The following CPNE4 variants were observed in gnomAD, a reference collection of about 807,000 sequenced individuals.
CPNE4 encodes copine 4.
In CPNE4, 25 loss-of-function variants were observed where a neutral mutation model predicts 67.9. The observed-to-expected ratio is 0.37, with a 90% CI of 0.27 to 0.51. The LOEUF (loss-of-function observed/expected upper bound fraction) is 0.51. Among genes scored for constraint, CPNE4 ranks in the 20% least tolerant of loss-of-function variants. The pLI is 0.93. For missense variants in CPNE4, 464 were observed against 690.8 expected, an observed-to-expected ratio of 0.67 and a Z score of 3.68; for synonymous variants, 242 against 244.9, an observed-to-expected ratio of 0.99 and a Z score of 0.11.
rs561640523 is a variant in CPNE4 at position 131,667,237 on chromosome 3, C to T, written c.681+2438G>A. On this transcript the variant is annotated intron_variant, in intron 7 of 15. Coordinates refer to ENST00000429747, the MANE Select transcript of CPNE4 (RefSeq NM_130808.3). ...AATTAGAATATTTTAGTTAATCTTA[C>T]ATGTTCATTCTCTTCTTCTGATTTT... 2.0e-5 allele frequency among the ~76,000 whole-genome samples: 3 copies of T among 152,166 alleles called. No homozygotes were observed. In the South Asian group the frequency reaches 6.2e-4, roughly 32 times the overall value.
At chr3:131,964,130 G>C (rs1371401690) in intron 1 of CPNE4, among the ~76,000 whole-genome samples, 1 of 152,048 alleles carries the variant, frequency 6.6e-6, no homozygotes, top group African/African-American at 2.4e-5. Flanking sequence ...TGCAGCAGAG[G>C]GGCCTGTTAG....
At chr3:131,786,651 A>G (rs2083572070) in intron 2 of CPNE4, among the ~76,000 whole-genome samples, 1 of 152,182 alleles carries the variant, frequency 6.6e-6, no homozygotes, top group South Asian at 2.1e-4. Context: ...GATGAGGTAC[A>G]TACATATTCT....
chr3:131,622,035 A>G (rs184595280), intron 7 of CPNE4, among the ~76,000 whole-genome samples: 16 of 151,406 alleles, frequency 1.1e-4, no homozygotes, highest in Admixed American at 2.6e-4. Context: ...AAAAAAAAAA[A>G]AAAAGAAAAG....
chr3:131,868,772 C>A (rs951946040), intron 2 of CPNE4, among the ~76,000 whole-genome samples: 5 of 151,868 alleles, frequency 3.3e-5, no homozygotes, highest in East Asian at 1.9e-4. Flanking sequence ...GAAAGACAAA[C>A]CCTAATGGAA....
At chr3:131,641,713 G>A (rs2079546122) in intron 7 of CPNE4, among the ~76,000 whole-genome samples, 1 of 152,160 alleles carries the variant, frequency 6.6e-6, no homozygotes, top group Non-Finnish European at 1.5e-5. Flanking sequence ...GTACATGCAT[G>A]TTTGTAGCAG....
intron 2 of CPNE4, among the ~76,000 whole-genome samples, chr3:131,723,944 A>G (rs2081946428): frequency 6.6e-6 from 1 of 152,028 alleles, no homozygotes; most frequent in African/African-American, 2.4e-5. Flanking sequence ...GGGAATTGAA[A>G]TGAGTGGGTG....
chr3:131,669,272 C>G (rs796350151), intron 7 of CPNE4, among the ~76,000 whole-genome samples: 11 of 152,322 alleles, frequency 7.2e-5, no homozygotes, highest in African/African-American at 2.6e-4. Context: ...TTCATCCCAA[C>G]TTGTCAGTAC....
chr3:131,863,749 C>G (rs936414025), intron 2 of CPNE4, among the ~76,000 whole-genome samples: 1 of 152,140 alleles, frequency 6.6e-6, no homozygotes, highest in Non-Finnish European at 1.5e-5. Flanking sequence ...GTTGCCATTG[C>G]TTTTGGTGTT....
intron 2 of CPNE4, among the ~76,000 whole-genome samples, chr3:131,801,268 G>C (rs2084088887): frequency 6.7e-6 from 1 of 149,768 alleles, no homozygotes; most frequent in Non-Finnish European, 1.5e-5. Context: ...GATTGAAATA[G>C]GGTCCGCTTT....
chr3:131,897,505 T>C (rs2088383168), intron 2 of CPNE4, among the ~76,000 whole-genome samples: 1 of 152,140 alleles, frequency 6.6e-6, no homozygotes, highest in Non-Finnish European at 1.5e-5. Flanking sequence ...TCATTGCTCC[T>C]TCACTTACCA....
intron 6 of CPNE4, among the ~76,000 whole-genome samples, chr3:131,674,131 T>C (rs1412355196): frequency 6.6e-6 from 1 of 152,136 alleles, no homozygotes; most frequent in Admixed American, 6.6e-5. Context: ...GATTTGCATA[T>C]GTTAAACCAT....
At chr3:131,970,522 G>C (rs1377649532) in intron 1 of CPNE4, among the ~76,000 whole-genome samples, 6 of 151,984 alleles carry the variant, frequency 3.9e-5, no homozygotes, top group Non-Finnish European at 7.4e-5. Flanking sequence ...TTCCTTGATG[G>C]GGCATTTGGG....
chr3:131,815,774 A>C (rs1053689392), intron 2 of CPNE4, among the ~76,000 whole-genome samples: 2 of 152,212 alleles, frequency 1.3e-5, no homozygotes, highest in African/African-American at 4.8e-5. Flanking sequence ...GGGAAAGGGG[A>C]ACAAACAAGG....
intron 1 of CPNE4, among the ~76,000 whole-genome samples, chr3:132,029,392 G>C (rs1234643198): frequency 6.6e-6 from 1 of 152,164 alleles, no homozygotes; most frequent in Non-Finnish European, 1.5e-5. Context: ...GGCATATCTT[G>C]GGGTTGGGTC....
chr3:131,537,005 T>C (rs957444724), intron 15 of CPNE4, among the ~76,000 whole-genome samples: 2 of 152,188 alleles, frequency 1.3e-5, no homozygotes, highest in Non-Finnish European at 1.5e-5. Flanking sequence ...TTTTCTCTCC[T>C]GGTTAAAAGT....
At chr3:131,623,359 A>G (rs1940578595) in intron 7 of CPNE4, among the ~76,000 whole-genome samples, 1 of 152,144 alleles carries the variant, frequency 6.6e-6, no homozygotes, top group Non-Finnish European at 1.5e-5. Flanking sequence ...TGAGTAAACA[A>G]TTTTAAATGT....
At chr3:131,804,393 C>T (rs1240924563) in intron 2 of CPNE4, among the ~76,000 whole-genome samples, 1 of 152,130 alleles carries the variant, frequency 6.6e-6, no homozygotes, top group Non-Finnish European at 1.5e-5. Context: ...ACTCACAAAC[C>T]TAGTTATATC....
Position 131,699,916 on chromosome 3 carries a change from G to A in CPNE4, c.425C>T (p.Ser142Phe). ...LKHGNTAGKS[S>F]ITVIAEELSG... ...TAGGGAGTGCCTGCTTACCGTGATG[G>A]AAGATTTCCCTGCTGTGTTCCCATG... Residue 142 changes from serine to phenylalanine, a missense_variant, in exon 4 of 16, where the codon TCC (serine) becomes TTC (phenylalanine). Physicochemically the swap from Ser to Phe is radical, Grantham distance 155. This residue lies in a region of CPNE4 where 170 missense variants were observed against 203.3 expected (regional missense o/e 0.84). Coordinates refer to ENST00000429747, the MANE Select transcript of CPNE4 (RefSeq NM_130808.3). 1 of 1,613,050 alleles carries A rather than the reference G, an allele frequency of 6.2e-7. No homozygotes were observed. The highest frequency in any genetic ancestry group is 8.5e-7 in the Non-Finnish European group (1 of 1,179,358).
chr3:131,779,827 A>G (rs913352774), intron 2 of CPNE4, among the ~76,000 whole-genome samples: 1 of 152,118 alleles, frequency 6.6e-6, no homozygotes, highest in African/African-American at 2.4e-5. Flanking sequence ...ACCCCACAAC[A>G]ATTGATAAGT....
Sources: allele counts gnomAD v4.1 joint callset (sites outside exome capture counted in the v4.1 genomes callset), GRCh38; gene constraint gnomAD v4.1.1; regional missense constraint gnomAD v4.1.1; transcripts MANE v1.5; gene names NCBI Gene and HGNC (gene_info 2026-07-23, HGNC 2026-07-21).